PDE4D: variants seen among roughly 807,000 people sequenced by gnomAD.
The protein encoded by PDE4D is phosphodiesterase 4D, also known as 3',5'-cyclic-AMP phosphodiesterase 4D.
PDE4D carries 24 observed loss-of-function variants against 87.4 expected under a neutral mutation model. That is an observed-to-expected ratio of 0.27 (90% CI 0.20 to 0.39). PDE4D has a LOEUF of 0.39. Among genes scored for constraint, PDE4D ranks in the 10% least tolerant of loss-of-function variants. The pLI, the probability that PDE4D is intolerant of heterozygous loss-of-function variation, is 1.00. For missense variants in PDE4D, 714 were observed against 1,041.0 expected, an observed-to-expected ratio of 0.69 and a Z score of 4.32; for synonymous variants, 384 against 383.2, an observed-to-expected ratio of 1.00 and a Z score of -0.02.
At chr5:60,514,433 G>A (rs2150258881) in intron 1 of PDE4D, among the ~76,000 whole-genome samples, 1 of 152,166 alleles carries the variant, frequency 6.6e-6, no homozygotes, top group South Asian at 2.1e-4. Flanking sequence ...ATGTGACAGT[G>A]CAAAATCTTA....
At chr5:59,127,629 C>G (rs1434181698) in intron 5 of PDE4D, among the ~76,000 whole-genome samples, 1 of 142,702 alleles carries the variant, frequency 7.0e-6, no homozygotes, top group Admixed American at 6.9e-5. Context: ...CACCTCACCC[C>G]CCACACTCCA....
chr5:59,224,971 C>A (rs1429104489), intron 1 of PDE4D, among the ~76,000 whole-genome samples: 1 of 152,140 alleles, frequency 6.6e-6, no homozygotes, highest in Non-Finnish European at 1.5e-5. Flanking sequence ...CTAAGGCAAC[C>A]AGAAAGCCCC....
intron 1 of PDE4D, among the ~76,000 whole-genome samples, chr5:60,482,740 T>C (rs949359130): frequency 2.6e-5 from 4 of 152,218 alleles, no homozygotes; most frequent in Admixed American, 2.6e-4. Flanking sequence ...ACATGTAGAA[T>C]CTAATAAGGA....
chr5:59,616,945 A>ATATATATATCTCTC (rs936160133), intron 1 of PDE4D, among the ~76,000 whole-genome samples: 1 of 137,262 alleles, frequency 7.3e-6, no homozygotes, highest in Non-Finnish European at 1.6e-5. Context: ...ATATATATAT[A>ATATATATATCTCTC]TCTCCAAGAT....
chr5:60,163,157 G>A (rs1782602958), intron 2 of PDE4D, among the ~76,000 whole-genome samples: 1 of 152,144 alleles, frequency 6.6e-6, no homozygotes, highest in Non-Finnish European at 1.5e-5. Context: ...GCTAACTCCT[G>A]AGCTAGCTAT....
intron 6 of PDE4D, among the ~76,000 whole-genome samples, chr5:59,025,952 T>C (rs1361926342): frequency 1.3e-5 from 2 of 152,210 alleles, no homozygotes; most frequent in Admixed American, 6.5e-5. Flanking sequence ...GCTGTCCCTA[T>C]AGGGATTACA....
intron 1 of PDE4D, among the ~76,000 whole-genome samples, chr5:60,323,382 G>C (rs1034335804): frequency 2.0e-5 from 3 of 152,098 alleles, no homozygotes; most frequent in Admixed American, 6.5e-5. Flanking sequence ...GATAAACTTA[G>C]TATCAACCTT....
intron 1 of PDE4D, among the ~76,000 whole-genome samples, chr5:60,418,116 T>C (rs1742774524): frequency 6.6e-6 from 1 of 152,056 alleles, no homozygotes; most frequent in African/African-American, 2.4e-5. Context: ...ATTGAGTAGC[T>C]AAGTCTTGTC....
intron 2 of PDE4D, among the ~76,000 whole-genome samples, chr5:60,115,922 G>A (rs1056215822): frequency 1.3e-5 from 2 of 152,094 alleles, no homozygotes; most frequent in African/African-American, 2.4e-5. Flanking sequence ...GAATGGAGGG[G>A]AAAGGAGTAA....
At chr5:60,467,990 A>G (rs983555487) in intron 1 of PDE4D, among the ~76,000 whole-genome samples, 2 of 152,190 alleles carry the variant, frequency 1.3e-5, no homozygotes, top group African/African-American at 2.4e-5. Context: ...GTGGGAACCC[A>G]GAGCCAAACC....
intron 1 of PDE4D, among the ~76,000 whole-genome samples, chr5:59,882,499 C>T (rs1019097835): frequency 9.2e-5 from 14 of 152,162 alleles, no homozygotes; most frequent in African/African-American, 3.1e-4. Context: ...TCTCGATAGA[C>T]TAAAAATGTA....
chr5:59,287,740 GAC>G, intron 1 of PDE4D, among the ~76,000 whole-genome samples: 1 of 151,740 alleles, frequency 6.6e-6, no homozygotes, highest in East Asian at 1.9e-4. Flanking sequence ...GAGAGAGACA[GAC>G]AGACAGACAG....
chr5:60,034,475 T>C (rs1392767259), intron 2 of PDE4D, among the ~76,000 whole-genome samples: 4 of 152,288 alleles, frequency 2.6e-5, no homozygotes, highest in African/African-American at 9.6e-5. Flanking sequence ...TGCTGTCACA[T>C]TGCCTTCTTC....
At chr5:59,823,569 T>G (rs867517573) in intron 1 of PDE4D, among the ~76,000 whole-genome samples, 2 of 152,044 alleles carry the variant, frequency 1.3e-5, no homozygotes, top group African/African-American at 2.4e-5. Context: ...ACTAGAACAG[T>G]CTTTACACAT....
At chr5:59,452,861 G>GT (rs1799373121) in intron 1 of PDE4D, among the ~76,000 whole-genome samples, 1 of 151,990 alleles carries the variant, frequency 6.6e-6, no homozygotes, top group Non-Finnish European at 1.5e-5. Flanking sequence ...CAAGGACTAT[G>GT]GCTTAACAGA....
chr5:60,030,243 G>T (rs929609300), intron 2 of PDE4D, among the ~76,000 whole-genome samples: 2 of 152,182 alleles, frequency 1.3e-5, no homozygotes, highest in East Asian at 3.9e-4. Context: ...GAGGTCAGGA[G>T]ATCGAGACCA....
chr5:60,003,963 A>C (rs190276309), intron 2 of PDE4D, among the ~76,000 whole-genome samples: 1 of 152,288 alleles, frequency 6.6e-6, no homozygotes, highest in East Asian at 1.9e-4. Flanking sequence ...TCCTGGGAAA[A>C]CTGGATGTTC....
chr5:60,295,640 G>A (rs755207204), intron 1 of PDE4D, among the ~76,000 whole-genome samples: 9 of 152,148 alleles, frequency 5.9e-5, no homozygotes, highest in South Asian at 2.1e-4. Context: ...GTCTCCAGAC[G>A]TTGCCTAATG....
intron 1 of PDE4D, among the ~76,000 whole-genome samples, chr5:60,479,364 C>T (rs1748555987): frequency 6.6e-6 from 1 of 152,166 alleles, no homozygotes. Flanking sequence ...AACAACTTGG[C>T]TTGACAATCA....
Sources: allele counts gnomAD v4.1 joint callset (sites outside exome capture counted in the v4.1 genomes callset), GRCh38; gene constraint gnomAD v4.1.1; transcripts MANE v1.5; gene names NCBI Gene and HGNC (gene_info 2026-07-23, HGNC 2026-07-21).